TMEM230: variants seen among roughly 807,000 people sequenced by gnomAD.
The protein encoded by TMEM230 is UPF0414 transmembrane protein C20orf30.
A neutral mutation model predicts 15.8 loss-of-function variants in TMEM230; 10 were observed. That is an observed-to-expected ratio of 0.63 (90% CI 0.39 to 1.07). The LOEUF (loss-of-function observed/expected upper bound fraction) is 1.07, where lower values mean the gene tolerates loss of function less well. Among genes scored for constraint, TMEM230 ranks in the 50% least tolerant of loss-of-function variants. TMEM230 has a pLI of 0.01. For missense variants in TMEM230, 165 were observed against 193.3 expected (o/e 0.85, Z 0.87); for synonymous variants, 67 against 76.9 (o/e 0.87, Z 0.68).
chr20:5,105,486 G>A (rs2090038457), intron 4 of TMEM230, among the ~76,000 whole-genome samples: 1 of 151,922 alleles, frequency 6.6e-6, no homozygotes, highest in Admixed American at 6.6e-5. Context: ...AGCTACTCGG[G>A]AGGCTGAGGC....
chr20:5,060,571 A>C, the TMEM230 span, among the ~76,000 whole-genome samples: 1 of 152,046 alleles, frequency 6.6e-6, no homozygotes, highest in African/African-American at 2.4e-5. Context: ...TCCTGAGCTC[A>C]AGTGATCTGC....
chr20:5,101,394 T>C (rs2089855502), intron 4 of TMEM230, among the ~76,000 whole-genome samples: 1 of 152,220 alleles, frequency 6.6e-6, no homozygotes, highest in Non-Finnish European at 1.5e-5. Context: ...TGTGTTTTTC[T>C]CAGCCTTTCA....
At position 5,106,078 on chromosome 20, in the gene TMEM230, AACACACACACACACACACACACACACAC is replaced by A. The variant is rs61087830; in HGVS notation, c.411+82_411+109del. The A allele has an allele frequency of 2.5e-3, 1,385 of 551,110 alleles. 4 individuals carry two copies. The highest frequency in any genetic ancestry group is 0.013 in the Middle Eastern group (14 of 1,102). 34.1% of individuals were successfully genotyped at this position (551,110 alleles called of 1,614,324 possible). A position where few individuals can be genotyped will look rare whatever the true frequency, so the allele number is the denominator to read the frequency against. The stretch of plus-strand genomic sequence containing the variant: ...AAAAAACAGACCACTGGGACGGACA[AACACACACACACACACACACACACACAC>A]ACACACACACACACGCACACTAGAG... On this transcript the variant is annotated intron_variant, in intron 4 of 4. Transcript: ENST00000342308.
chr20:5,107,719 T>G (rs1362665431), intron 3 of TMEM230, among the ~76,000 whole-genome samples: 1 of 146,746 alleles, frequency 6.8e-6, no homozygotes, highest in Non-Finnish European at 1.5e-5. Context: ...GAGGCTGAGG[T>G]GAAAAGACTA....
downstream of TMEM230, among the ~76,000 whole-genome samples, chr20:5,095,929 A>T (rs734977): frequency 0.54 from 82,302 of 152,132 alleles, 22,785 homozygotes; most frequent in East Asian, 0.84. Flanking sequence ...GATGCTCCAG[A>T]TCTAAAACCT....
intron 4 of TMEM230, among the ~76,000 whole-genome samples, chr20:5,103,649 A>C (rs1234495033): frequency 6.6e-6 from 1 of 151,752 alleles, no homozygotes; most frequent in African/African-American, 2.4e-5. Flanking sequence ...AAAAACAAAC[A>C]AAAAAACCAA....
chr20:5,098,563 T>C (rs60149664), downstream of TMEM230: 1 of 152,284 alleles, frequency 6.6e-6, no homozygotes, highest in South Asian at 2.1e-4. Flanking sequence ...GCTTCATAAA[T>C]GATACTTCTG....
chr20:5,109,475 T>C, intron 2 of TMEM230, 30 bp from the exon 2 acceptor site: 1 of 1,535,134 alleles, frequency 6.5e-7, no homozygotes, highest in Non-Finnish European at 9.0e-7. Context: ...AACCCGTTAT[T>C]GTCTGTAGAT....
intron 3 of TMEM230, among the ~76,000 whole-genome samples, chr20:5,107,957 C>T (rs551197671): frequency 2.6e-5 from 4 of 151,768 alleles, no homozygotes; most frequent in South Asian, 2.1e-4. Context: ...ACTAAAAATA[C>T]GAAAATTGGC....
intron 3 of TMEM230, among the ~76,000 whole-genome samples, chr20:5,084,153 C>A (rs2089262935): frequency 6.6e-6 from 1 of 151,978 alleles, no homozygotes; most frequent in Non-Finnish European, 1.5e-5. Context: ...AGGATAATGG[C>A]CTTCGGGTCC....
intron 3 of TMEM230, among the ~76,000 whole-genome samples, chr20:5,085,806 C>G (rs776113358): frequency 5.3e-5 from 8 of 152,090 alleles, no homozygotes; most frequent in African/African-American, 7.2e-5. Flanking sequence ...GACGGGAGGC[C>G]AGGCTCTTTT....
chr20:5,109,604 T>C (rs1421455381), intron 2 of TMEM230, among the ~76,000 whole-genome samples, 159 bp from the exon 2 acceptor site: 3 of 152,224 alleles, frequency 2.0e-5, no homozygotes, highest in Non-Finnish European at 4.4e-5. Context: ...ATTTTCATTG[T>C]GTCAGAGGCA....
chr20:5,105,291 T>A (rs754020824), intron 4 of TMEM230, among the ~76,000 whole-genome samples: 14 of 149,116 alleles, frequency 9.4e-5, no homozygotes, highest in Admixed American at 2.7e-4. Flanking sequence ...GTCTCCAAAA[T>A]ATATATATAT....
exon 4 of TMEM230, chr20:5,068,557 G>C (rs2088720697): frequency 6.6e-6 from 1 of 152,412 alleles, no homozygotes. Flanking sequence ...GATCTCATGA[G>C]AGTCACTCAC....
At chr20:5,098,881 T>C (rs374366884), downstream of TMEM230, among the ~76,000 whole-genome samples, 28 of 152,290 alleles carry the variant, frequency 1.8e-4, no homozygotes, top group East Asian at 3.7e-3. Flanking sequence ...GCTTAGAGCA[T>C]TTCAGGAAGG....
At chr20:5,095,883 T>TA (rs933831631), downstream of TMEM230, among the ~76,000 whole-genome samples, 4 of 151,992 alleles carry the variant, frequency 2.6e-5, no homozygotes, top group Admixed American at 2.6e-4. Flanking sequence ...GGTGAAAAAA[T>TA]AGAGGAAAAA....
chr20:5,102,409 G>C (rs1172851565), intron 4 of TMEM230, among the ~76,000 whole-genome samples: 1 of 152,090 alleles, frequency 6.6e-6, no homozygotes, highest in African/African-American at 2.4e-5. Flanking sequence ...ATTAATACTT[G>C]GCTGGGCATG....
chr20:5,092,127 C>T lies in TMEM230; in HGVS notation c.222+14061G>A, dbSNP rs140329765. On this transcript the variant is annotated intron_variant, in intron 3 of 3. Coordinates refer to the TMEM230 transcript ENST00000612323. ...TCCTAGATTGCAAAGTCGTAATCTC[C>T]ACACACTGAGATACTGAACTTCTTT... 2.6e-3 allele frequency among the ~76,000 whole-genome samples: 401 copies of T among 152,294 alleles called. 3 individuals carry two copies. Among genetic ancestry groups the T allele is most frequent in the African/African-American group, 9.3e-3 (386 of 41,552 alleles).
At chr20:5,092,109 T>C (rs2089525084) in intron 3 of TMEM230, among the ~76,000 whole-genome samples, 1 of 152,206 alleles carries the variant, frequency 6.6e-6, no homozygotes, top group Non-Finnish European at 1.5e-5. Context: ...TTTTCCTAGA[T>C]TGCAAAGTCG....
Sources: gnomAD v4.1 joint callset for allele counts (sites outside exome capture counted in the v4.1 genomes callset) on GRCh38, gnomAD v4.1.1 for gene constraint, MANE v1.5 for transcripts, NCBI Gene and HGNC (gene_info 2026-07-23, HGNC 2026-07-21) for gene names.